The following TTC39C variants were observed in gnomAD, a reference collection of about 807,000 sequenced individuals.
TTC39C encodes tetratricopeptide repeat protein 39C.
Under a neutral mutation model 76.3 loss-of-function variants are expected in TTC39C, and 33 were observed. The ratio of observed to expected loss-of-function variants is 0.43; its 90% CI spans 0.33 to 0.58. The LOEUF (loss-of-function observed/expected upper bound fraction) is 0.58, where lower values mean the gene tolerates loss of function less well. TTC39C is among the 20% of genes least tolerant of loss of function. The pLI is 0.04. For missense variants in TTC39C, 595 were observed against 701.4 expected, an observed-to-expected ratio of 0.85 and a Z score of 1.71; for synonymous variants, 254 against 260.6, an observed-to-expected ratio of 0.97 and a Z score of 0.24.
intron 1 of TTC39C, among the ~76,000 whole-genome samples, chr18:24,059,466 T>C (rs1031121941): frequency 2.0e-5 from 3 of 152,156 alleles, no homozygotes; most frequent in Non-Finnish European, 2.9e-5. Flanking sequence ...ACATTCGGTG[T>C]TTGGTTTTCT....
chr18:24,045,547 A>G (rs1373475144), intron 1 of TTC39C, among the ~76,000 whole-genome samples: 2 of 152,118 alleles, frequency 1.3e-5, no homozygotes, highest in Non-Finnish European at 2.9e-5. Context: ...CAAGAAATAC[A>G]TAGTTTTCAC....
intron 1 of TTC39C, among the ~76,000 whole-genome samples, chr18:24,021,594 A>G (rs1466920505): frequency 1.5e-5 from 2 of 130,624 alleles, no homozygotes; most frequent in Non-Finnish European, 3.1e-5. Context: ...TGCCCAGGCT[A>G]GAGTGCAATG....
intron 8 of TTC39C, chr18:24,123,528 T>A (rs1269725695): frequency 4.9e-6 from 1 of 202,888 alleles, no homozygotes; most frequent in Admixed American, 6.0e-5. Context: ...TGCCTTAGCC[T>A]CGCAAGTAGC....
chr18:24,108,631 A>G (rs370972955), intron 6 of TTC39C, among the ~76,000 whole-genome samples: 3 of 152,350 alleles, frequency 2.0e-5, no homozygotes, highest in African/African-American at 7.2e-5. Context: ...ATAGGGCTTT[A>G]AAAGTACATT....
rs199837780 is a variant in TTC39C at position 24,123,016 on chromosome 18, CAT to C, written c.1187-817_1187-816del. Among the ~76,000 whole-genome samples, 556 of 152,332 alleles carry C rather than the reference CAT, an allele frequency of 3.6e-3. 7 individuals carry two copies. Among genetic ancestry groups the C allele is most frequent in the Non-Finnish European group, 3.1e-3 (209 of 68,038 alleles). ...TTTCAGTTTCTTTAGGATTCAAGCA[CAT>C]GTGTTTCTTCTTCACATTGTTGCTG... On this transcript the variant is annotated intron_variant, in intron 8 of 13. Coordinates refer to ENST00000317571, the MANE Select transcript of TTC39C (RefSeq NM_001135993.2).
intron 6 of TTC39C, among the ~76,000 whole-genome samples, chr18:24,095,560 A>G (rs536362973): frequency 2.7e-4 from 41 of 152,070 alleles, no homozygotes; most frequent in Non-Finnish European, 5.9e-4. Flanking sequence ...TTAGCGGGAC[A>G]TGGTAGCACA....
intron 1 of TTC39C, among the ~76,000 whole-genome samples, chr18:24,038,322 G>A (rs75848026): frequency 3.0e-4 from 45 of 152,062 alleles, no homozygotes; most frequent in South Asian, 1.7e-3. Context: ...TCACTCAGTC[G>A]CCCAGGCTGG....
chr18:24,014,673 C>T (rs2083425813), upstream of TTC39C: 1 of 808,166 alleles, frequency 1.2e-6, no homozygotes, highest in Non-Finnish European at 1.6e-6. Context: ...CGCCCACCTC[C>T]CACGCCGCGC....
intron 8 of TTC39C, among the ~76,000 whole-genome samples, chr18:24,122,563 G>A (rs1364418548): frequency 6.7e-6 from 1 of 149,748 alleles, no homozygotes; most frequent in Non-Finnish European, 1.5e-5. Flanking sequence ...TTCCAACTGG[G>A]GAGTGAAAAA....
chr18:24,080,728 A>G lies in TTC39C; in HGVS notation c.604A>G (p.Ile202Val), dbSNP rs1201510537. ...LTSDAANDNH[I>V]VAEGVSEESL... ...TTCTGATGCTGCAAATGATAATCAC[A>G]TTGTGGCTGAAGGGGTGTCTGAGGA... Residue 202 changes from isoleucine to valine, a missense_variant, in exon 5 of 14, where the codon ATT (isoleucine) becomes GTT (valine). Coordinates refer to ENST00000317571, the MANE Select transcript of TTC39C (RefSeq NM_001135993.2). 1.2e-6 allele frequency: 2 copies of G among 1,614,082 alleles called. No individual in the cohort carries two copies. The highest frequency in any genetic ancestry group is 1.7e-5 in the Admixed American group (1 of 60,008).
intron 1 of TTC39C, 23 bp downstream of exon 1, chr18:24,015,061 C>A: frequency 7.1e-7 from 1 of 1,412,840 alleles, no homozygotes; most frequent in South Asian, 1.5e-5. Context: ...TCCCCGATTC[C>A]CCAACCCTGC....
chr18:24,022,887 A>G (rs1010855865), intron 1 of TTC39C: 1 of 985,284 alleles, frequency 1.0e-6, no homozygotes, highest in African/African-American at 1.7e-5. Context: ...GATTTTTAGC[A>G]AAAGGTTGTA....
At chr18:24,024,038 G>A (rs1223851960) in intron 1 of TTC39C, among the ~76,000 whole-genome samples, 1 of 53,836 alleles carries the variant, frequency 1.9e-5, no homozygotes, top group African/African-American at 5.5e-5. Flanking sequence ...TTTTGAGACG[G>A]AGTCTCACCT....
chr18:23,996,575 C>T (rs2083263014), intron 1 of TTC39C, among the ~76,000 whole-genome samples: 1 of 152,212 alleles, frequency 6.6e-6, no homozygotes, highest in African/African-American at 2.4e-5. Context: ...CAAATATCTT[C>T]TGCTTTAAAA....
chr18:24,013,960 T>C (rs1406871861), upstream of TTC39C, among the ~76,000 whole-genome samples: 1 of 152,254 alleles, frequency 6.6e-6, no homozygotes, highest in East Asian at 1.9e-4. Flanking sequence ...ATTTATAACT[T>C]TTAAATATTT....
chr18:24,039,177 G>A (rs757911022), intron 1 of TTC39C, among the ~76,000 whole-genome samples: 1 of 152,174 alleles, frequency 6.6e-6, no homozygotes, highest in African/African-American at 2.4e-5. Flanking sequence ...ACTGCAACTC[G>A]AAATAATTAT....
intron 1 of TTC39C, among the ~76,000 whole-genome samples, chr18:24,007,414 C>T (rs2083362832): frequency 6.6e-6 from 1 of 152,196 alleles, no homozygotes; most frequent in Non-Finnish European, 1.5e-5. Flanking sequence ...GATGGAATCT[C>T]ACTCTGTTGC....
At position 24,126,631 on chromosome 18, in the gene TTC39C, A is replaced by G. The variant is rs547674132; in HGVS notation, c.1420+1081A>G. Among the ~76,000 whole-genome samples, 8 of 151,230 alleles carry G rather than the reference A, an allele frequency of 5.3e-5. 2 individuals are homozygous for G. In the South Asian group the frequency reaches 1.5e-3, roughly 28 times the overall value. ...ATTCTTGGATGTGTTAAATTCTGCT[A>G]TGTTCTTTTTAATTTTTTTTTTTTT... On this transcript the variant is annotated intron_variant, in intron 10 of 13. Coordinates refer to ENST00000317571, the MANE Select transcript of TTC39C (RefSeq NM_001135993.2).
intron 1 of TTC39C, among the ~76,000 whole-genome samples, chr18:24,038,711 TCA>T (rs2083759212): frequency 1.3e-5 from 2 of 152,206 alleles, no homozygotes; most frequent in South Asian, 4.1e-4. Flanking sequence ...ATGTGTTTTC[TCA>T]CAGTTCTAGA....
Sources: allele counts gnomAD v4.1 joint callset (sites outside exome capture counted in the v4.1 genomes callset), GRCh38; gene constraint gnomAD v4.1.1; transcripts MANE v1.5; gene names NCBI Gene and HGNC (gene_info 2026-07-23, HGNC 2026-07-21).